The following NRXN3 variants were observed in gnomAD, a reference collection of about 807,000 sequenced individuals.
NRXN3 encodes the protein neurexin 3, also known as neurexin III.
A neutral mutation model predicts 137.6 loss-of-function variants in NRXN3; 32 were observed. The ratio of observed to expected loss-of-function variants is 0.23; its 90% CI spans 0.18 to 0.31. The LOEUF (loss-of-function observed/expected upper bound fraction) is 0.31. NRXN3 is among the 10% of genes least tolerant of loss of function. The pLI, the probability that NRXN3 is intolerant of heterozygous loss-of-function variation, is 1.00. For synonymous variants in NRXN3, 798 were observed against 784.5 expected (o/e 1.02, Z -0.29); for missense variants, 1,574 against 2,062.5 (o/e 0.76, Z 4.59).
chr14:78,745,768 C>T (rs1267902785), intron 8 of NRXN3, among the ~76,000 whole-genome samples: 1 of 152,102 alleles, frequency 6.6e-6, no homozygotes, highest in African/African-American at 2.4e-5. Context: ...AGTTGATCCT[C>T]TTTTGATTAA....
chr14:78,316,214 G>T (rs1467774039), intron 4 of NRXN3, among the ~76,000 whole-genome samples: 1 of 152,070 alleles, frequency 6.6e-6, no homozygotes, highest in Non-Finnish European at 1.5e-5. Flanking sequence ...TGAGAGAAAT[G>T]CACTGGGTTT....
At chr14:78,848,953 G>T (rs1426438473) in intron 10 of NRXN3, among the ~76,000 whole-genome samples, 1 of 152,062 alleles carries the variant, frequency 6.6e-6, no homozygotes, top group Non-Finnish European at 1.5e-5. Context: ...AGCAGGAGTG[G>T]GTTTGTTTTT....
At chr14:78,630,601 T>TTTC (rs1566931757) in intron 4 of NRXN3, among the ~76,000 whole-genome samples, 1 of 150,702 alleles carries the variant, frequency 6.6e-6, no homozygotes, top group Non-Finnish European at 1.5e-5. Flanking sequence ...TTCTTTCTTT[T>TTTC]TTTTTTTTTT....
At chr14:79,533,053 T>C (rs1056501518) in intron 16 of NRXN3, among the ~76,000 whole-genome samples, 1 of 145,822 alleles carries the variant, frequency 6.9e-6, no homozygotes, top group East Asian at 2.1e-4. Flanking sequence ...GCCCAATATT[T>C]ACCTGCATCA....
chr14:79,276,797 G>C (rs961405009), intron 15 of NRXN3, among the ~76,000 whole-genome samples: 1 of 151,970 alleles, frequency 6.6e-6, no homozygotes, highest in African/African-American at 2.4e-5. Flanking sequence ...GATTCACACT[G>C]CTAAAGCCAG....
intron 20 of NRXN3, among the ~76,000 whole-genome samples, chr14:79,839,726 A>G (rs913910991): frequency 2.0e-5 from 3 of 152,156 alleles, no homozygotes; most frequent in African/African-American, 7.2e-5. Context: ...GCCCATACCA[A>G]TGTCTTATAG....
intron 4 of NRXN3, among the ~76,000 whole-genome samples, chr14:78,494,166 A>C (rs1025999264): frequency 6.6e-6 from 1 of 152,182 alleles, no homozygotes; most frequent in African/African-American, 2.4e-5. Context: ...TTGAGATATT[A>C]TTGACATCAA....
At chr14:78,559,059 A>G (rs1365061130) in intron 4 of NRXN3, among the ~76,000 whole-genome samples, 4 of 152,240 alleles carry the variant, frequency 2.6e-5, no homozygotes. Flanking sequence ...AGTTGAATAC[A>G]AGTCTTTCCA....
intron 8 of NRXN3, among the ~76,000 whole-genome samples, chr14:78,789,240 T>C (rs1595875656): frequency 6.6e-6 from 1 of 152,294 alleles, no homozygotes; most frequent in South Asian, 2.1e-4. Context: ...TTGACTAATA[T>C]CTAAACTTCC....
At position 79,866,035 on chromosome 14, in the gene NRXN3, T is replaced by C. The variant is rs2099417957; in HGVS notation, c.*4071T>C. The C allele has an allele frequency of 6.6e-6, 1 of 152,226 alleles. No homozygotes were observed. The highest frequency in any genetic ancestry group is 2.4e-5 in the African/African-American group (1 of 41,460). 9.4% of individuals were successfully genotyped at this position (152,226 alleles called of 1,614,324 possible). On this transcript the variant is annotated 3_prime_UTR_variant, in exon 21 of 21. Coordinates refer to ENST00000335750, the MANE Select transcript of NRXN3 (RefSeq NM_001330195.2). The stretch of plus-strand genomic sequence containing the variant: ...ATTTATTGAACACTTATGTACAAGC[T>C]AGTCTACTATTGGCTATTGTTACTT...
intron 15 of NRXN3, among the ~76,000 whole-genome samples, chr14:79,228,217 T>C (rs909505570): frequency 5.9e-5 from 9 of 152,136 alleles, no homozygotes; most frequent in African/African-American, 1.7e-4. Flanking sequence ...GTGCTAGCCA[T>C]GTAGCTTATC....
intron 20 of NRXN3, among the ~76,000 whole-genome samples, chr14:79,807,855 T>A (rs1382970062): frequency 5.9e-5 from 9 of 152,122 alleles, no homozygotes; most frequent in Non-Finnish European, 1.0e-4. Flanking sequence ...GGTGAGTGAT[T>A]TGGATATACA....
intron 6 of NRXN3, among the ~76,000 whole-genome samples, chr14:78,688,190 A>G (rs929823898): frequency 3.3e-5 from 5 of 152,170 alleles, no homozygotes; most frequent in Non-Finnish European, 7.3e-5. Context: ...CCTGTTGAGA[A>G]CCCTCAAGTT....
intron 4 of NRXN3, among the ~76,000 whole-genome samples, chr14:78,483,263 A>T (rs2095503312): frequency 6.6e-6 from 1 of 152,230 alleles, no homozygotes; most frequent in Non-Finnish European, 1.5e-5. Context: ...CATCTGCAGT[A>T]GGAAAGTTTA....
intron 15 of NRXN3, among the ~76,000 whole-genome samples, chr14:79,401,503 C>T (rs941793087): frequency 5.3e-5 from 8 of 152,130 alleles, no homozygotes; most frequent in Admixed American, 2.6e-4. Flanking sequence ...GTGCATTGTC[C>T]TAGGAGAACC....
intron 15 of NRXN3, among the ~76,000 whole-genome samples, chr14:79,393,398 G>C (rs930011393): frequency 2.0e-5 from 3 of 152,164 alleles, no homozygotes; most frequent in African/African-American, 7.2e-5. Flanking sequence ...ATAAAGAGAT[G>C]GGTGAGATGA....
intron 15 of NRXN3, among the ~76,000 whole-genome samples, chr14:79,245,102 G>A (rs115343783): frequency 2.0e-4 from 30 of 152,200 alleles, no homozygotes; most frequent in African/African-American, 7.0e-4. Context: ...TTCCTCCTTT[G>A]AAAGGTGAGG....
rs865996520 is a variant in NRXN3 at position 78,888,541 on chromosome 14, C to T, written c.2276-68701C>T. ...CCTACTGTCAGGGAAACTAAGTTTT[C>T]CTTTTCTTTGAAGGCATGGAGAAGT... On this transcript the variant is annotated intron_variant, in intron 10 of 20. Coordinates refer to ENST00000335750, the MANE Select transcript of NRXN3 (RefSeq NM_001330195.2). 2.0e-5 allele frequency among the ~76,000 whole-genome samples: 3 copies of T among 151,938 alleles called. No individual in the cohort carries two copies. The South Asian group carries it at 6.2e-4, about 31-fold the overall frequency.
intron 15 of NRXN3, among the ~76,000 whole-genome samples, chr14:79,048,133 T>A (rs28831381): frequency 0.38 from 57,713 of 152,026 alleles, 11,449 homozygotes; most frequent in Admixed American, 0.49. Flanking sequence ...GCATCTCAAA[T>A]ACAGTATATT....
Sources: gnomAD v4.1 joint callset for allele counts (sites outside exome capture counted in the v4.1 genomes callset) on GRCh38, gnomAD v4.1.1 for gene constraint, MANE v1.5 for transcripts, NCBI Gene and HGNC (gene_info 2026-07-23, HGNC 2026-07-21) for gene names.